The following PYGO2 variants were observed in gnomAD, a reference collection of about 807,000 sequenced individuals.
PYGO2 encodes the protein pygopus homolog 2.
In PYGO2, 9 loss-of-function variants were observed where a neutral mutation model predicts 26.7. The ratio of observed to expected loss-of-function variants is 0.34; its 90% CI spans 0.20 to 0.59. The LOEUF (loss-of-function observed/expected upper bound fraction) is 0.59. Ranked by LOEUF, PYGO2 falls within the 20% of genes least tolerant of loss-of-function variation. The probability of loss-of-function intolerance (pLI) is 0.84; values close to 1 mark genes in which losing one functional copy is unlikely to be tolerated. For synonymous variants in PYGO2, 236 were observed against 219.0 expected (o/e 1.08, Z -0.68); for missense variants, 538 against 561.5 (o/e 0.96, Z 0.42).
rs1477303316 is a variant in PYGO2, at chr1:154,961,651, G to T, written c.-75C>A. 13 of 477,896 alleles carry T rather than the reference G, an allele frequency of 2.7e-5. No individual in the cohort carries two copies. The highest frequency in any genetic ancestry group is 5.5e-4 in the Middle Eastern group (1 of 1,824). 29.6% of individuals were successfully genotyped at this position (477,896 alleles called of 1,614,324 possible). ...TGGGCTGCACCATCGCCCAGAAGGG[G>T]TGTCAGGGGCAGCCCAGGCCCCCGA... On this transcript the variant is annotated 5_prime_UTR_variant, in exon 1 of 3. Coordinates refer to ENST00000368457, the MANE Select transcript of PYGO2 (RefSeq NM_138300.4).
chr1:154,959,573 G>T lies in PYGO2; in HGVS notation c.427C>A (p.Pro143Thr). ...PPPFPPNPMGPAFNMPPQGPG... is the reference protein window; with the variant it reads ...PPPFPPNPMGTAFNMPPQGPG... ...CCCTGGGGGGGCATGTTGAAAGCAG[G>T]GCCCATAGGATTGGGAGGGAAGGGG... Residue 143 changes from proline (P) to threonine (T), a missense_variant, in exon 3 of 3, where the codon CCT becomes ACT. Coordinates refer to ENST00000368457, the MANE Select transcript of PYGO2 (RefSeq NM_138300.4). The surrounding 1 kb of genome is among the most constrained non-coding windows in gnomAD (Gnocchi z 4.7). The T allele has an allele frequency of 1.4e-6, 2 of 1,464,582 alleles. No homozygotes were observed. Among genetic ancestry groups the T allele is most frequent in the Non-Finnish European group, 9.1e-7 (1 of 1,104,918 alleles). 90.7% of individuals were successfully genotyped at this position (1,464,582 alleles called of 1,614,324 possible).
chr1:154,958,905 G>A lies in PYGO2; in HGVS notation c.1095C>T (p.Ala365=). The change falls in exon 3 of 3, where the codon GCC becomes GCT. Residue 365 remains alanine, a synonymous_variant. Transcript: ENST00000368457. ...HRECTGMTES[A]YGLLTTEASA... is the part of the protein sequence containing the mutation. Reference sequence around the variant, plus strand: ...AAGCTTCAGTGGTCAGCAGCCCATAGGCGCTCTCAGTCATGCCTGTGCACT... The same window carrying A: ...AAGCTTCAGTGGTCAGCAGCCCATAAGCGCTCTCAGTCATGCCTGTGCACT... 1 of 1,614,044 alleles carries A rather than the reference G, an allele frequency of 6.2e-7. No individual in the cohort carries two copies.
Position 154,959,475 on chromosome 1 carries a change from A to G in PYGO2, c.525T>C (p.Phe175=). Reference sequence around the variant, plus strand: ...GCATCATCTGCCCACTGGGAGGACTAAAGTTTTGACCCAGAGGCTGGTTGA... The same window carrying G: ...GCATCATCTGCCCACTGGGAGGACTGAAGTTTTGACCCAGAGGCTGGTTGA... ...QPFNQPLGQN[F]SPPSGQMMPG... The change falls in exon 3 of 3, where the codon TTT becomes TTC. Residue 175 remains phenylalanine (F), a synonymous_variant. Coordinates refer to ENST00000368457, the MANE Select transcript of PYGO2 (RefSeq NM_138300.4). The surrounding 1 kb of genome is among the most constrained non-coding windows in gnomAD (Gnocchi z 4.7). 1 of 1,501,922 alleles carries G rather than the reference A, an allele frequency of 6.7e-7. No homozygotes were observed. Among genetic ancestry groups the G allele is most frequent in the Non-Finnish European group, 8.9e-7 (1 of 1,125,148 alleles). The allele number at this position is 1,501,922 out of a possible 1,614,324, so 93.0% of individuals were successfully genotyped here.
rs776756862 is a variant in PYGO2, at chr1:154,959,311, G to A, written c.689C>T (p.Pro230Leu). ...APFGPSPLQR[P>L]GQGLPSLPPN... is the part of the protein sequence containing the mutation. ...CGGCAGGCTGGGGAGCCCCTGACCA[G>A]GTCTCTGGAGAGGAGAAGGGCCAAA... The change falls in exon 3 of 3, where the codon CCT (proline) becomes CTT (leucine). Residue 230 changes from proline (P) to leucine (L), a missense_variant. This residue lies in a region of PYGO2 where 381 missense variants were observed against 336.6 expected (regional missense o/e 1.13). Coordinates refer to ENST00000368457, the MANE Select transcript of PYGO2 (RefSeq NM_138300.4). This position sits in a 1 kb window ranked among gnomAD's most constrained non-coding sequence, Gnocchi z 4.7. 1.3e-6 allele frequency: 2 copies of A among 1,597,976 alleles called. No homozygotes were observed. Among genetic ancestry groups the A allele is most frequent in the East Asian group, 4.5e-5 (2 of 44,816 alleles).
rs1361925290 is a variant in PYGO2 at position 154,958,167 on chromosome 1, G to A, written c.*612C>T. On this transcript the variant is annotated 3_prime_UTR_variant, in exon 3 of 3. Coordinates refer to ENST00000368457, the MANE Select transcript of PYGO2 (RefSeq NM_138300.4). ...ATCACCAAGAAACTGCCATAACCAG[G>A]AACTCTCCTGCTTCCTCAGGCTATT... 1 of 152,760 alleles carries A rather than the reference G, an allele frequency of 6.5e-6. No homozygotes were observed. The highest frequency in any genetic ancestry group is 1.5e-5 in the Non-Finnish European group (1 of 68,108). 9.5% of individuals were successfully genotyped at this position (152,760 alleles called of 1,614,324 possible).
chr1:154,960,693 G>A (rs1273831452), intron 2 of PYGO2, among the ~76,000 whole-genome samples: 1 of 152,202 alleles, frequency 6.6e-6, no homozygotes, highest in Non-Finnish European at 1.5e-5. Context: ...TCAGTAAGTG[G>A]TAGGTGTTAC....
Position 154,961,540 on chromosome 1 carries a change from C to A in PYGO2, c.37G>T (p.Glu13Ter). The change falls in exon 1 of 3, where the codon GAG (glutamate) becomes TAG (stop). Residue 13 changes from glutamate (E) to a stop codon, truncating the protein, a stop_gained. Transcript: ENST00000368457. LOFTEE classifies it high-confidence loss of function. ...ASAPPPPDKL[E>*]GGGGPAPPPA... ...GGCGGTGCGGGGCCGCCACCTCCCT[C>A]CAGCTTGTCCGGTGGGGGCGGCGCC... 1 of 1,397,526 alleles carries A rather than the reference C, an allele frequency of 7.2e-7. No homozygotes were observed. The allele number at this position is 1,397,526 out of a possible 1,614,324, so 86.6% of individuals were successfully genotyped here. A position where few individuals can be genotyped will look rare whatever the true frequency, so the allele number is the denominator to read the frequency against.
Position 154,961,554 on chromosome 1 carries a change from G to T in PYGO2, c.23C>A (p.Pro8Gln). The T allele has an allele frequency of 1.4e-6, 2 of 1,386,550 alleles. No individual in the cohort carries two copies. The highest frequency in any genetic ancestry group is 1.6e-5 in the South Asian group (1 of 62,964). 85.9% of individuals were successfully genotyped at this position (1,386,550 alleles called of 1,614,324 possible). The part of the protein sequence containing the change: MAASAPP[P>Q]PDKLEGGGGP... ...GCCACCTCCCTCCAGCTTGTCCGGT[G>T]GGGGCGGCGCCGAGGCGGCCATGGA... is the stretch of plus-strand genomic sequence containing the variant. Residue 8 changes from proline to glutamine, a missense_variant, in exon 1 of 3, where the codon CCA becomes CAA. Coordinates refer to ENST00000368457, the MANE Select transcript of PYGO2 (RefSeq NM_138300.4).
Position 154,959,938 on chromosome 1 carries a change from G to C in PYGO2, c.154-92C>G. The C allele has an allele frequency of 1.3e-6, 1 of 744,514 alleles. No homozygotes were observed. The highest frequency in any genetic ancestry group is 1.9e-6 in the Non-Finnish European group (1 of 528,326). The allele number at this position is 744,514 out of a possible 1,614,324, so 46.1% of individuals were successfully genotyped here. On this transcript the variant is annotated intron_variant, in intron 2 of 2. Coordinates refer to ENST00000368457, the MANE Select transcript of PYGO2 (RefSeq NM_138300.4). The surrounding 1 kb of genome is among the most constrained non-coding windows in gnomAD (Gnocchi z 4.7). ...TACCAACACAATACACATTTTGGAG[G>C]CTGATACTGTGGGCAGCTCAGGTCT...
intron 2 of PYGO2, among the ~76,000 whole-genome samples, chr1:154,960,592 C>T (rs564202131): frequency 3.9e-5 from 6 of 152,136 alleles, no homozygotes; most frequent in South Asian, 4.2e-4. Context: ...CATTTTTAAC[C>T]CCCAGATTTC....
rs751350865 is a variant in PYGO2 at position 154,958,414 on chromosome 1, C to T, written c.*365G>A. On this transcript the variant is annotated 3_prime_UTR_variant, in exon 3 of 3. Transcript: ENST00000368457. Reference sequence around the variant, plus strand: ...TGGGGTTCAGTAGGGGTGTTAGGCACAGGTGTTAGGGGCATCCATCATCAG... The same window carrying T: ...TGGGGTTCAGTAGGGGTGTTAGGCATAGGTGTTAGGGGCATCCATCATCAG... The T allele has an allele frequency of 1.8e-5, 4 of 218,590 alleles. No individual in the cohort carries two copies. Among genetic ancestry groups the T allele is most frequent in the Admixed American group, 5.2e-5 (1 of 19,248 alleles). 13.5% of individuals were successfully genotyped at this position (218,590 alleles called of 1,614,324 possible).
rs1655374165 is a variant in PYGO2 at position 154,961,735 on chromosome 1, C to G, written c.-159G>C. On this transcript the variant is annotated 5_prime_UTR_variant, in exon 1 of 3. Transcript: ENST00000368457. ...GCGCCGAGCCGCCGCGCAAACTGCG[C>G]GCTCTCTCCAGACTCGCCGCCCGCC... is the stretch of plus-strand genomic sequence containing the variant. 2.3e-6 allele frequency: 1 copy of G among 436,342 alleles called. No homozygotes were observed. The highest frequency in any genetic ancestry group is 4.1e-6 in the Non-Finnish European group (1 of 245,276). The allele number at this position is 436,342 out of a possible 1,614,324, so 27.0% of individuals were successfully genotyped here.
chr1:154,959,152 G>A lies in PYGO2; in HGVS notation c.848C>T (p.Ala283Val), dbSNP rs754646970. 1 of 1,590,368 alleles carries A rather than the reference G, an allele frequency of 6.3e-7. No homozygotes were observed. Among genetic ancestry groups the A allele is most frequent in the Non-Finnish European group, 8.6e-7 (1 of 1,167,080 alleles). ...GAAACTGGGCTGGTTCCCATTAACAGCAGCAGCCGGGGAGCCTGAGTGGGG... is the reference window on the plus strand; with the variant it reads ...GAAACTGGGCTGGTTCCCATTAACAACAGCAGCCGGGGAGCCTGAGTGGGG... ...QEPHSGSPAA[A>V]VNGNQPSFPP... The change falls in exon 3 of 3, where the codon GCT becomes GTT. Residue 283 changes from alanine to valine, a missense_variant. Coordinates refer to ENST00000368457, the MANE Select transcript of PYGO2 (RefSeq NM_138300.4). This position sits in a 1 kb window ranked among gnomAD's most constrained non-coding sequence, Gnocchi z 4.7.
In PYGO2 at chr1:154,959,879, T is replaced by C; in HGVS notation, c.154-33A>G. On this transcript the variant is annotated intron_variant, in intron 2 of 2. Coordinates refer to ENST00000368457, the MANE Select transcript of PYGO2 (RefSeq NM_138300.4). The surrounding 1 kb of genome is among the most constrained non-coding windows in gnomAD (Gnocchi z 4.7). ...GAAACAGTTGAGGGAAAGAGGGTCA[T>C]GGAGGGAAACACAGAGCTAAACCAA... The C allele has an allele frequency of 8.2e-7, 1 of 1,221,816 alleles. No individual in the cohort carries two copies. The highest frequency in any genetic ancestry group is 1.1e-6 in the Non-Finnish European group (1 of 936,338). The allele number at this position is 1,221,816 out of a possible 1,614,324, so 75.7% of individuals were successfully genotyped here. A position where few individuals can be genotyped will look rare whatever the true frequency, so the allele number is the denominator to read the frequency against.
Position 154,959,384 on chromosome 1 carries a change from G to T in PYGO2, c.616C>A (p.Leu206Met), listed in dbSNP as rs760474730. 5.0e-6 allele frequency: 8 copies of T among 1,606,254 alleles called. No homozygotes were observed. The highest frequency in any genetic ancestry group is 5.9e-6 in the Non-Finnish European group (7 of 1,176,718). ...PTMGQPPRAE[L>M]GPPSLSQRFA... ...CGTTGGGACAGAGAAGGTGGGCCCA[G>T]CTCTGCTCTGGGAGGCTGTCCCATG... Residue 206 changes from leucine (L) to methionine (M), a missense_variant, in exon 3 of 3, where the codon CTG becomes ATG. Physicochemically the swap from Leu to Met is conservative, Grantham distance 15 (BLOSUM62 2). This residue lies in a region of PYGO2 where 381 missense variants were observed against 336.6 expected (regional missense o/e 1.13). Transcript: ENST00000368457. This position sits in a 1 kb window ranked among gnomAD's most constrained non-coding sequence, Gnocchi z 4.7.
At position 154,959,545 on chromosome 1, in the gene PYGO2, G is replaced by A; in HGVS notation, c.455C>T (p.Pro152Leu). Residue 152 changes from proline (P) to leucine (L), a missense_variant, in exon 3 of 3, where the codon CCT becomes CTT. Pro to Leu is a moderately conservative substitution (Grantham distance 98). This residue lies in a region of PYGO2 where 381 missense variants were observed against 336.6 expected (regional missense o/e 1.13). Coordinates refer to ENST00000368457, the MANE Select transcript of PYGO2 (RefSeq NM_138300.4). The surrounding 1 kb of genome is among the most constrained non-coding windows in gnomAD (Gnocchi z 4.7). Reference sequence around the variant, plus strand: ...CATGTTGCCTGGGGGTGGGTAGCCAGGACCCTGGGGGGGCATGTTGAAAGC... The same window carrying A: ...CATGTTGCCTGGGGGTGGGTAGCCAAGACCCTGGGGGGGCATGTTGAAAGC... The part of the protein sequence containing the change: ...GPAFNMPPQG[P>L]GYPPPGNMNF... 6.8e-7 allele frequency: 1 copy of A among 1,469,018 alleles called. No homozygotes were observed. Among genetic ancestry groups the A allele is most frequent in the Non-Finnish European group, 9.0e-7 (1 of 1,107,976 alleles). 91.0% of individuals were successfully genotyped at this position (1,469,018 alleles called of 1,614,324 possible). A position where few individuals can be genotyped will look rare whatever the true frequency, so the allele number is the denominator to read the frequency against.
chr1:154,960,089 C>T (rs1005466893), intron 2 of PYGO2, among the ~76,000 whole-genome samples: 38 of 151,554 alleles, frequency 2.5e-4, no homozygotes, highest in Non-Finnish European at 4.4e-4. Context: ...ACGGTGAAAC[C>T]CCGTCTCTAC....
intron 2 of PYGO2, among the ~76,000 whole-genome samples, chr1:154,960,583 AT>A (rs1433660665): frequency 2.0e-5 from 3 of 152,134 alleles, no homozygotes; most frequent in East Asian, 1.9e-4. Flanking sequence ...TGTATTTAAC[AT>A]TTTTAACCCC....
chr1:154,961,256 C>T (rs1167507972), intron 1 of PYGO2, among the ~76,000 whole-genome samples: 4 of 152,228 alleles, frequency 2.6e-5, no homozygotes, highest in Non-Finnish European at 4.4e-5. Flanking sequence ...TATCCTCAAG[C>T]TCCAAGTGAG....
Sources: gnomAD v4.1 joint callset for allele counts (sites outside exome capture counted in the v4.1 genomes callset) on GRCh38, gnomAD v4.1.1 for gene constraint, gnomAD v4.1.1 regional missense constraint, Gnocchi (gnomAD v3.1) non-coding constraint, MANE v1.5 for transcripts, NCBI Gene and HGNC (gene_info 2026-07-23, HGNC 2026-07-21) for gene names.